Variants in ARHGAP8 observed in about 807,000 individuals in gnomAD.
The protein encoded by ARHGAP8 is Rho GTPase activating protein 8.
A neutral mutation model predicts 46.1 loss-of-function variants in ARHGAP8; 62 were observed. The ratio of observed to expected loss-of-function variants is 1.34; its 90% CI spans 1.10 to 1.66. ARHGAP8 has a LOEUF of 1.66. ARHGAP8 is among the 40% of genes most tolerant of loss of function. The pLI, the probability that ARHGAP8 is intolerant of heterozygous loss-of-function variation, is 0.00. For missense variants in ARHGAP8, 923 were observed against 568.4 expected, an observed-to-expected ratio of 1.62 and a Z score of -6.34; for synonymous variants, 375 against 243.1, an observed-to-expected ratio of 1.54 and a Z score of -5.05.
chr22:44,828,822 T>G (rs1055428650), intron 7 of ARHGAP8, among the ~76,000 whole-genome samples: 5 of 152,060 alleles, frequency 3.3e-5, no homozygotes, highest in Non-Finnish European at 5.9e-5. Context: ...AGCCCGTTAC[T>G]GGGGCTCTGC....
chr22:44,820,462 C>A (rs532208088), intron 5 of ARHGAP8, among the ~76,000 whole-genome samples: 1 of 152,320 alleles, frequency 6.6e-6, no homozygotes, highest in South Asian at 2.1e-4. Flanking sequence ...CAGTACTTCA[C>A]AGCCCCGGGG....
intron 2 of ARHGAP8, among the ~76,000 whole-genome samples, chr22:44,787,779 GTAA>G: frequency 6.6e-6 from 1 of 152,156 alleles, no homozygotes; most frequent in South Asian, 2.1e-4. Flanking sequence ...TCTTGTCAAG[GTAA>G]TAATAAAAAG....
intron 7 of ARHGAP8, among the ~76,000 whole-genome samples, chr22:44,829,549 C>G (rs535534745): frequency 6.6e-6 from 1 of 152,168 alleles, no homozygotes; most frequent in East Asian, 1.9e-4. Context: ...TGTAAAAGTC[C>G]GGTCCTTAGC....
intron 7 of ARHGAP8, among the ~76,000 whole-genome samples, chr22:44,833,227 G>T (rs1931078629): frequency 6.6e-6 from 1 of 151,360 alleles, no homozygotes; most frequent in Non-Finnish European, 1.5e-5. Context: ...TTCCCAAGTA[G>T]CTGGTACTAT....
chr22:44,778,946 T>G (rs1321630803), intron 1 of ARHGAP8, among the ~76,000 whole-genome samples: 2 of 22,440 alleles, frequency 8.9e-5, no homozygotes, highest in African/African-American at 1.9e-4. Flanking sequence ...TGATTTTCTT[T>G]CACCCATAAT....
At chr22:44,780,496 A>G (rs1218820915) in intron 1 of ARHGAP8, among the ~76,000 whole-genome samples, 1 of 151,624 alleles carries the variant, frequency 6.6e-6, no homozygotes, top group Non-Finnish European at 1.5e-5. Context: ...ACCCATATCT[A>G]TTAAAAACAC....
At chr22:44,834,795 G>A (rs1179428178) in intron 7 of ARHGAP8, among the ~76,000 whole-genome samples, 1 of 152,062 alleles carries the variant, frequency 6.6e-6, no homozygotes, top group African/African-American at 2.4e-5. Context: ...ATTGTTAGGT[G>A]CATACATTTT....
At position 44,848,979 on chromosome 22, in the gene ARHGAP8, G is replaced by A. The variant is rs775279290; in HGVS notation, c.796G>A (p.Val266Met). 8.7e-6 allele frequency: 14 copies of A among 1,614,030 alleles called. No homozygotes were observed. Among genetic ancestry groups the A allele is most frequent in the East Asian group, 4.5e-5 (2 of 44,884 alleles). ...CTACGGGGACATTCACATCCCTGCCGTGATCCTGAAGACCTTCCTGCGAGA... is the reference window on the plus strand; with the variant it reads ...CTACGGGGACATTCACATCCCTGCCATGATCCTGAAGACCTTCCTGCGAGA... ...DDYGDIHIPA[V>M]ILKTFLRELP... Residue 266 changes from valine to methionine, a missense_variant, in exon 10 of 12, where the codon GTG (valine) becomes ATG (methionine). Val to Met is a conservative substitution (Grantham distance 21). Transcript: ENST00000356099.
intron 2 of ARHGAP8, chr22:44,801,802 T>C (rs1292113447): frequency 4.0e-6 from 2 of 493,858 alleles, no homozygotes; most frequent in East Asian, 3.5e-5. Flanking sequence ...CAGCTGGCTC[T>C]GCACTGATGA....
intron 10 of ARHGAP8, among the ~76,000 whole-genome samples, chr22:44,857,809 C>T (rs567231688): frequency 1.2e-4 from 18 of 152,258 alleles, no homozygotes; most frequent in Middle Eastern, 3.4e-3. Flanking sequence ...GCTCTCTTTC[C>T]TCCTCTCTCT....
intron 5 of ARHGAP8, among the ~76,000 whole-genome samples, chr22:44,821,728 G>A (rs534570215): frequency 6.6e-6 from 1 of 152,228 alleles, no homozygotes; most frequent in African/African-American, 2.4e-5. Context: ...TCACTTAGGA[G>A]GGAGAACCCC....
At chr22:44,787,037 C>CAAAAAA (rs57241720) in intron 2 of ARHGAP8, among the ~76,000 whole-genome samples, 8,453 of 118,912 alleles carry the variant, frequency 0.071, 347 homozygotes, top group Middle Eastern at 0.098. Context: ...CTCAAAAAAA[C>CAAAAAA]AAAAAAAAAA....
At chr22:44,799,754 C>G (rs966047373) in intron 2 of ARHGAP8, among the ~76,000 whole-genome samples, 2 of 148,728 alleles carry the variant, frequency 1.3e-5, no homozygotes, top group Non-Finnish European at 3.0e-5. Context: ...GGAAGCGGGG[C>G]GGCCCATCTG....
intron 3 of ARHGAP8, among the ~76,000 whole-genome samples, chr22:44,805,725 C>T (rs1374093856): frequency 1.3e-5 from 2 of 152,162 alleles, no homozygotes; most frequent in Admixed American, 6.5e-5. Context: ...GTGGGCTTCT[C>T]GGCCTTGATA....
Position 44,859,793 on chromosome 22 carries a change from A to C in ARHGAP8, c.940A>C (p.Asn314His). The change falls in exon 11 of 12, where the codon AAC (asparagine) becomes CAC (histidine). Residue 314 changes from asparagine (N) to histidine (H), a missense_variant. Coordinates refer to ENST00000356099, the MANE Select transcript of ARHGAP8 (RefSeq NM_181335.3). ...GATCTTACGGAGCCTCCCAGAGCAC[A>C]ACTACGTCGTCCTCCGCTACCTCAT... ...RQILRSLPEH[N>H]YVVLRYLMGF... is the part of the protein sequence containing the mutation. 1 of 1,614,070 alleles carries C rather than the reference A, an allele frequency of 6.2e-7. No individual in the cohort carries two copies. The highest frequency in any genetic ancestry group is 8.5e-7 in the Non-Finnish European group (1 of 1,180,022).
intron 7 of ARHGAP8, among the ~76,000 whole-genome samples, chr22:44,835,124 ATTTG>A (rs1931194109): frequency 6.6e-6 from 1 of 151,518 alleles, no homozygotes; most frequent in Admixed American, 6.6e-5. Context: ...CCATTTTGCT[ATTTG>A]TTTTCTATAT....
Position 44,752,630 on chromosome 22 carries a change from A to G in ARHGAP8, c.-72+3A>G, listed in dbSNP as rs1924319394. On this transcript the variant is annotated splice_donor_region_variant and intron_variant, in intron 1 of 11. Coordinates refer to ENST00000356099, the MANE Select transcript of ARHGAP8 (RefSeq NM_181335.3). The stretch of plus-strand genomic sequence containing the variant: ...GGGCCGGCGGGGTCCGTGGCCAGGT[A>G]AGGCGGGCGGCGGCGGGAGGGAGCG... The G allele has an allele frequency of 6.8e-6, 1 of 146,034 alleles. No individual in the cohort carries two copies. The highest frequency in any genetic ancestry group is 6.8e-5 in the Admixed American group (1 of 14,812). 9.0% of individuals were successfully genotyped at this position (146,034 alleles called of 1,614,324 possible). A position where few individuals can be genotyped will look rare whatever the true frequency, so the allele number is the denominator to read the frequency against.
chr22:44,843,076 A>G (rs1245791845), intron 7 of ARHGAP8, among the ~76,000 whole-genome samples: 1 of 147,858 alleles, frequency 6.8e-6, no homozygotes, highest in East Asian at 2.0e-4. Context: ...TGGAATGTAA[A>G]CCCCTCACGA....
chr22:44,845,917 C>T (rs1351304354), intron 8 of ARHGAP8, among the ~76,000 whole-genome samples: 1 of 152,146 alleles, frequency 6.6e-6, no homozygotes, highest in Non-Finnish European at 1.5e-5. Flanking sequence ...GGAGGCTTTC[C>T]TGGCACCACA....
Sources: allele counts gnomAD v4.1 joint callset (sites outside exome capture counted in the v4.1 genomes callset), GRCh38; gene constraint gnomAD v4.1.1; transcripts MANE v1.5; gene names NCBI Gene and HGNC (gene_info 2026-07-23, HGNC 2026-07-21).